The following NRP1 variants were observed in gnomAD, a reference collection of about 807,000 sequenced individuals.
The protein encoded by NRP1 is neuropilin 1, also known as neuropilin-1.
NRP1 carries 35 observed loss-of-function variants against 106.7 expected under a neutral mutation model. The observed-to-expected ratio is 0.33, with a 90% CI of 0.25 to 0.43. NRP1 has a LOEUF of 0.43. NRP1 is among the 20% of genes least tolerant of loss of function. NRP1 has a pLI of 1.00. For missense variants in NRP1, 1,024 were observed against 1,170.4 expected (o/e 0.87, Z 1.83); for synonymous variants, 437 against 417.9 (o/e 1.05, Z -0.56).
intron 2 of NRP1, among the ~76,000 whole-genome samples, chr10:33,272,828 G>A (rs1025156772): frequency 6.6e-6 from 1 of 152,050 alleles, no homozygotes; most frequent in Non-Finnish European, 1.5e-5. Flanking sequence ...TCCTGACATG[G>A]TCTGAATACT....
intron 15 of NRP1, among the ~76,000 whole-genome samples, chr10:33,183,366 G>A (rs1284073103): frequency 6.6e-6 from 1 of 151,580 alleles, no homozygotes; most frequent in African/African-American, 2.4e-5. Context: ...GAAGGGGGAA[G>A]AGACATGGTT....
At chr10:33,217,370 G>T (rs1036621412) in intron 8 of NRP1, among the ~76,000 whole-genome samples, 22 of 137,578 alleles carry the variant, frequency 1.6e-4, no homozygotes, top group Non-Finnish European at 1.6e-4. Context: ...CCATATAGCT[G>T]CCTCATTAAA....
At chr10:33,294,631 A>AT (rs1845250118) in intron 2 of NRP1, among the ~76,000 whole-genome samples, 2 of 152,004 alleles carry the variant, frequency 1.3e-5, no homozygotes, top group African/African-American at 4.8e-5. Flanking sequence ...AAAAAAAAAA[A>AT]AAAATCTATG....
rs771196307 is a variant in NRP1 at position 33,180,333 on chromosome 10, C to G, written c.2515G>C (p.Gly839Arg). The G allele has an allele frequency of 2.5e-6, 4 of 1,604,722 alleles. No individual in the cohort carries two copies. Among genetic ancestry groups the G allele is most frequent in the East Asian group, 4.5e-5 (2 of 44,562 alleles). The part of the protein sequence containing the change: ...STPGYEGEGE[G>R]DKNISRKPGN... The stretch of plus-strand genomic sequence containing the variant: ...GGCTTCCTGGAGATGTTCTTGTCAC[C>G]TTCTCCTTCACCTTCGTATCCTGGC... Residue 839 changes from glycine to arginine, a missense_variant, in exon 17 of 17, where the codon GGT (glycine) becomes CGT (arginine). Transcript: ENST00000374867.
At chr10:33,272,840 A>G (rs906736727) in intron 2 of NRP1, among the ~76,000 whole-genome samples, 1 of 152,070 alleles carries the variant, frequency 6.6e-6, no homozygotes. Context: ...CTGAATACTA[A>G]GTGGCCAAAT....
At chr10:33,239,744 C>A (rs908817195) in intron 6 of NRP1, among the ~76,000 whole-genome samples, 4 of 152,198 alleles carry the variant, frequency 2.6e-5, no homozygotes, top group African/African-American at 9.7e-5. Flanking sequence ...AGATTAAATA[C>A]ATTTTTCGCT....
chr10:33,315,676 A>G (rs893356556), intron 2 of NRP1, among the ~76,000 whole-genome samples: 3 of 152,156 alleles, frequency 2.0e-5, no homozygotes, highest in Admixed American at 2.0e-4. Context: ...AAGGAACATG[A>G]ATGAAGTATA....
chr10:33,235,959 T>C (rs1840522566), intron 6 of NRP1, among the ~76,000 whole-genome samples: 2 of 152,232 alleles, frequency 1.3e-5, no homozygotes, highest in Admixed American at 6.5e-5. Flanking sequence ...CTTTAACAGC[T>C]TGGTCAAAAA....
intron 6 of NRP1, among the ~76,000 whole-genome samples, chr10:33,227,576 C>A (rs1171367874): frequency 6.6e-6 from 1 of 152,180 alleles, no homozygotes; most frequent in Non-Finnish European, 1.5e-5. Context: ...CTCTAGGAAA[C>A]AACTGCTTGG....
chr10:33,310,228 C>G (rs960564101), intron 2 of NRP1, among the ~76,000 whole-genome samples: 1 of 136,762 alleles, frequency 7.3e-6, no homozygotes, highest in Non-Finnish European at 1.5e-5. Context: ...GGATTACAGG[C>G]GTGAGCCACT....
intron 6 of NRP1, among the ~76,000 whole-genome samples, chr10:33,252,046 T>C (rs1171234391): frequency 6.6e-6 from 1 of 152,062 alleles, no homozygotes; most frequent in African/African-American, 2.4e-5. Flanking sequence ...TCCTGGGCCT[T>C]TAATAACCCG....
At chr10:33,185,147 G>T (rs1490393507) in intron 15 of NRP1, among the ~76,000 whole-genome samples, 1 of 152,148 alleles carries the variant, frequency 6.6e-6, no homozygotes, top group Admixed American at 6.5e-5. Flanking sequence ...TATTTTAAAA[G>T]TCAGAAACAT....
chr10:33,192,546 T>C, intron 12 of NRP1, 128 bp from the exon 13 acceptor site: 1 of 1,005,326 alleles, frequency 9.9e-7, no homozygotes, highest in East Asian at 2.6e-5. Context: ...TGTTTGAAAA[T>C]TCCAGGAAAG....
intron 6 of NRP1, among the ~76,000 whole-genome samples, chr10:33,237,435 C>G (rs1840642231): frequency 6.6e-6 from 1 of 151,576 alleles, no homozygotes; most frequent in Non-Finnish European, 1.5e-5. Flanking sequence ...GCTGGGGAAG[C>G]AGAAGCGGCC....
intron 2 of NRP1, among the ~76,000 whole-genome samples, chr10:33,281,365 T>C (rs1462648641): frequency 1.0e-5 from 1 of 95,824 alleles, no homozygotes; most frequent in Non-Finnish European, 2.3e-5. Context: ...AGTAATTTTT[T>C]TTAAGTGAAC....
At chr10:33,206,845 G>C (rs1435800039) in intron 10 of NRP1, among the ~76,000 whole-genome samples, 2 of 152,164 alleles carry the variant, frequency 1.3e-5, no homozygotes, top group African/African-American at 2.4e-5. Context: ...TGTTCAAAGA[G>C]AGTGCAGCCA....
chr10:33,297,174 G>A (rs756845708), intron 2 of NRP1, among the ~76,000 whole-genome samples: 3 of 152,174 alleles, frequency 2.0e-5, no homozygotes, highest in African/African-American at 4.8e-5. Context: ...AGTCAAGGCT[G>A]TGGGTTGGGG....
At chr10:33,257,295 C>T (rs1842262686) in intron 4 of NRP1, among the ~76,000 whole-genome samples, 1 of 152,136 alleles carries the variant, frequency 6.6e-6, no homozygotes, top group African/African-American at 2.4e-5. Context: ...AAAAAGTGGA[C>T]TTGAGGAGGC....
chr10:33,190,770 G>C (rs1296571692), intron 13 of NRP1, among the ~76,000 whole-genome samples: 2 of 152,144 alleles, frequency 1.3e-5, no homozygotes, highest in East Asian at 3.8e-4. Context: ...TTTGTTGTGA[G>C]TGTGTATATG....
Sources: allele counts gnomAD v4.1 joint callset (sites outside exome capture counted in the v4.1 genomes callset), GRCh38; gene constraint gnomAD v4.1.1; transcripts MANE v1.5; gene names NCBI Gene and HGNC (gene_info 2026-07-23, HGNC 2026-07-21).